The following PPARD variants were observed in gnomAD, a reference collection of about 807,000 sequenced individuals.
PPARD encodes peroxisome proliferator activated receptor delta, also known as peroxisome proliferator-activated receptor delta.
Under a neutral mutation model 39.5 loss-of-function variants are expected in PPARD, and 6 were observed. The ratio of observed to expected loss-of-function variants is 0.15; its 90% CI spans 0.08 to 0.30. The LOEUF (loss-of-function observed/expected upper bound fraction) is 0.30. PPARD is among the 10% of genes least tolerant of loss of function. The pLI is 1.00. For missense variants in PPARD, 397 were observed against 596.8 expected (o/e 0.67, Z 3.49); for synonymous variants, 210 against 231.3 (o/e 0.91, Z 0.83).
chr6:35,367,205 G>C (rs145167495), intron 2 of PPARD, among the ~76,000 whole-genome samples: 66 of 152,330 alleles, frequency 4.3e-4, no homozygotes, highest in African/African-American at 1.5e-3. Context: ...GATGTGATGG[G>C]AGAAGGTGAG....
At chr6:35,380,472 GTTTGTT>G (rs1763082858) in intron 2 of PPARD, among the ~76,000 whole-genome samples, 3 of 31,322 alleles carry the variant, frequency 9.6e-5, no homozygotes, top group Non-Finnish European at 1.9e-4. Flanking sequence ...TTTTTTTTTT[GTTTGTT>G]TTTTTTTTTT....
At position 35,376,598 on chromosome 6, in the gene PPARD, G is replaced by A. The variant is rs184544489; in HGVS notation, c.-102+29448G>A. On this transcript the variant is annotated intron_variant, in intron 2 of 7. Coordinates refer to ENST00000360694, the MANE Select transcript of PPARD (RefSeq NM_006238.5). ...TCAGAGCAGCTTGTTTGCCTCTGGCGGGGCCATGAGTGTTTCAGTGGTCCT... is the reference window on the plus strand; with the variant it reads ...TCAGAGCAGCTTGTTTGCCTCTGGCAGGGCCATGAGTGTTTCAGTGGTCCT... 2.1e-3 allele frequency among the ~76,000 whole-genome samples: 315 copies of A among 152,236 alleles called. 3 individuals carry two copies. Among genetic ancestry groups the A allele is most frequent in the Non-Finnish European group, 6.6e-4 (45 of 68,000 alleles).
intron 2 of PPARD, among the ~76,000 whole-genome samples, chr6:35,349,483 T>C (rs1164836602): frequency 3.3e-5 from 5 of 152,150 alleles, no homozygotes; most frequent in African/African-American, 1.2e-4. Context: ...AAAATAAAAA[T>C]GGCAAAAGAA....
At chr6:35,384,050 C>A (rs1441686251) in intron 2 of PPARD, among the ~76,000 whole-genome samples, 1 of 149,282 alleles carries the variant, frequency 6.7e-6, no homozygotes, top group African/African-American at 2.5e-5. Flanking sequence ...GGGGGTCAGC[C>A]CCCCGCCAGG....
chr6:35,411,802 GCAGA>G (rs1286499992), intron 3 of PPARD, among the ~76,000 whole-genome samples: 2 of 152,118 alleles, frequency 1.3e-5, no homozygotes, highest in Non-Finnish European at 2.9e-5. Flanking sequence ...TATCAGCAGT[GCAGA>G]CAGTTTTCTC....
intron 2 of PPARD, among the ~76,000 whole-genome samples, chr6:35,389,556 G>A (rs578008926): frequency 3.3e-5 from 5 of 152,108 alleles, no homozygotes; most frequent in Admixed American, 2.6e-4. Flanking sequence ...CAGGTGATCC[G>A]CCCGCCTCGG....
chr6:35,382,537 C>T (rs1371049004), intron 2 of PPARD, among the ~76,000 whole-genome samples: 4 of 152,218 alleles, frequency 2.6e-5, no homozygotes, highest in Non-Finnish European at 4.4e-5. Flanking sequence ...CTTCTTAGAA[C>T]TCAAAAATTC....
At chr6:35,345,322 A>G (rs188467187) in intron 1 of PPARD, among the ~76,000 whole-genome samples, 536 of 152,044 alleles carry the variant, frequency 3.5e-3, no homozygotes, top group Middle Eastern at 0.02. Flanking sequence ...GTTTTGTTCT[A>G]TTGCCCAGGC....
rs534754105 is a variant in PPARD, at chr6:35,364,999, G to A, written c.-102+17849G>A. 1.2e-3 allele frequency among the ~76,000 whole-genome samples: 183 copies of A among 150,068 alleles called. 1 individual carries two copies. Among genetic ancestry groups the A allele is most frequent in the African/African-American group, 4.2e-3 (171 of 40,952 alleles). On this transcript the variant is annotated intron_variant, in intron 2 of 7. Transcript: ENST00000360694. ...GGTGGGATTACAGGCGTGAGCCACCGCGCCCGGCCCCAAGTGTTACTCGTT... is the reference window on the plus strand; with the variant it reads ...GGTGGGATTACAGGCGTGAGCCACCACGCCCGGCCCCAAGTGTTACTCGTT...
intron 2 of PPARD, among the ~76,000 whole-genome samples, chr6:35,355,598 CTTTTTTTTTTTTTTTTT>C (rs1166499750): frequency 6.0e-5 from 2 of 33,466 alleles, no homozygotes; most frequent in African/African-American, 3.8e-4. Flanking sequence ...TCTTCTTCTT[CTTTTTTTTTTTTTTTTT>C]TTTTTTTTTT....
intron 2 of PPARD, among the ~76,000 whole-genome samples, chr6:35,387,929 C>T (rs1021043558): frequency 1.3e-5 from 2 of 151,454 alleles, no homozygotes; most frequent in African/African-American, 4.9e-5. Context: ...ACCATGTTGG[C>T]CAGGCTGGTT....
In PPARD at chr6:35,383,967, C is replaced by G. The variant is rs974501321; in HGVS notation, c.-101-27020C>G. ...GGGGTCAGCCCCCCCGCCAGGCCAGCAGCCCCATCCGGGAGGGAGGTGGGG... is the reference window on the plus strand; with the variant it reads ...GGGGTCAGCCCCCCCGCCAGGCCAGGAGCCCCATCCGGGAGGGAGGTGGGG... On this transcript the variant is annotated intron_variant, in intron 2 of 7. Transcript: ENST00000360694. Among the ~76,000 whole-genome samples the G allele has an allele frequency of 1.5e-5, 2 of 132,674 alleles. 1 individual carries two copies. The highest frequency in any genetic ancestry group is 3.0e-5 in the Non-Finnish European group (2 of 66,612). The allele number at this position is 132,674 out of a possible 152,430, so 87.0% of individuals were successfully genotyped here.
chr6:35,394,274 A>G (rs1324813664), intron 2 of PPARD, among the ~76,000 whole-genome samples: 1 of 152,200 alleles, frequency 6.6e-6, no homozygotes, highest in African/African-American at 2.4e-5. Context: ...TGTCACGGCC[A>G]TCCTGCCATG....
rs1264022922 is a variant in PPARD, at chr6:35,410,980, T to C, written c.-101-7T>C. On this transcript the variant is annotated splice_region_variant and splice_polypyrimidine_tract_variant and intron_variant, in intron 2 of 7. Transcript: ENST00000360694. ...CCTGACCTCTTCCTGTCTTCTCCTCTGCCCAGGCTGATGGGAACCACCCTG... is the reference window on the plus strand; with the variant it reads ...CCTGACCTCTTCCTGTCTTCTCCTCCGCCCAGGCTGATGGGAACCACCCTG... The C allele has an allele frequency of 1.6e-6, 2 of 1,275,036 alleles. No individual in the cohort carries two copies. The highest frequency in any genetic ancestry group is 2.0e-6 in the Non-Finnish European group (2 of 1,000,752). The allele number at this position is 1,275,036 out of a possible 1,614,324, so 79.0% of individuals were successfully genotyped here. A position where few individuals can be genotyped will look rare whatever the true frequency, so the allele number is the denominator to read the frequency against.
chr6:35,410,750 A>G (rs1765372588), intron 2 of PPARD, among the ~76,000 whole-genome samples: 3 of 152,270 alleles, frequency 2.0e-5, no homozygotes, highest in East Asian at 3.9e-4. Context: ...TCTCTAGTTT[A>G]TGGAGCCTGC....
intron 2 of PPARD, among the ~76,000 whole-genome samples, chr6:35,356,018 A>G (rs1761592087): frequency 6.6e-6 from 1 of 151,782 alleles, no homozygotes; most frequent in Non-Finnish European, 1.5e-5. Flanking sequence ...ACCCAGCCTC[A>G]TGGTCACCTC....
intron 2 of PPARD, among the ~76,000 whole-genome samples, chr6:35,400,168 C>T (rs1443301462): frequency 2.6e-5 from 4 of 152,166 alleles, no homozygotes; most frequent in African/African-American, 9.7e-5. Context: ...TCCTGCCTCC[C>T]CGCTGCAATT....
At chr6:35,392,330 G>C (rs1361759927) in intron 2 of PPARD, among the ~76,000 whole-genome samples, 1 of 152,194 alleles carries the variant, frequency 6.6e-6, no homozygotes, top group African/African-American at 2.4e-5. Flanking sequence ...TGCAAGCTGG[G>C]AGGCGGGCTG....
At chr6:35,387,230 T>A (rs974320013) in intron 2 of PPARD, among the ~76,000 whole-genome samples, 1 of 151,936 alleles carries the variant, frequency 6.6e-6, no homozygotes, top group Non-Finnish European at 1.5e-5. Flanking sequence ...TTTTCTTCTC[T>A]CTGCTTTGAC....
Sources: gnomAD v4.1 joint callset for allele counts (sites outside exome capture counted in the v4.1 genomes callset) on GRCh38, gnomAD v4.1.1 for gene constraint, MANE v1.5 for transcripts, NCBI Gene and HGNC (gene_info 2026-07-23, HGNC 2026-07-21) for gene names.